The following DUSP26 variants were observed in gnomAD, a reference collection of about 807,000 sequenced individuals.
The protein encoded by DUSP26 is dual specificity phosphatase 26.
A neutral mutation model predicts 20.0 loss-of-function variants in DUSP26; 12 were observed. That is an observed-to-expected ratio of 0.60 (90% CI 0.38 to 0.97). The LOEUF (loss-of-function observed/expected upper bound fraction) is 0.97, where lower values mean the gene tolerates loss of function less well. Among genes scored for constraint, DUSP26 ranks in the 50% least tolerant of loss-of-function variants. The pLI is 0.00. For synonymous variants in DUSP26, 120 were observed against 118.8 expected (o/e 1.01, Z -0.06); for missense variants, 230 against 294.0 (o/e 0.78, Z 1.59).
chr8:33,595,711 G>T (rs1176650348), intron 2 of DUSP26, among the ~76,000 whole-genome samples: 2 of 151,970 alleles, frequency 1.3e-5, no homozygotes, highest in South Asian at 4.1e-4. Context: ...TCACCTTCAG[G>T]TGTTCATCCG....
Position 33,592,035 on chromosome 8 carries a change from A to AG in DUSP26, c.613dup (p.Leu205ProfsTer21), listed in dbSNP as rs1342469618. Reference sequence around the variant, plus strand: ...CCCTCATGCTTCCAGACCCTGCCGCAGCCTGCGGTCCAGGGCCAGGAGCTG... The same window carrying AG: ...CCCTCATGCTTCCAGACCCTGCCGCAGGCCTGCGGTCCAGGGCCAGGAGCTG... On this transcript the variant is annotated frameshift_variant, in exon 4 of 4. Transcript: ENST00000256261. LOFTEE classifies it high-confidence loss of function. 1 of 1,613,658 alleles carries AG rather than the reference A, an allele frequency of 6.2e-7. No individual in the cohort carries two copies. The highest frequency in any genetic ancestry group is 8.5e-7 in the Non-Finnish European group (1 of 1,179,968).
chr8:33,592,886 T>C (rs942138828), intron 3 of DUSP26, among the ~76,000 whole-genome samples: 1 of 152,186 alleles, frequency 6.6e-6, no homozygotes, highest in Non-Finnish European at 1.5e-5. Context: ...TATATATATA[T>C]GTATATGGAG....
intron 3 of DUSP26, among the ~76,000 whole-genome samples, chr8:33,593,059 G>A (rs1811059070): frequency 6.6e-6 from 1 of 152,098 alleles, no homozygotes; most frequent in African/African-American, 2.4e-5. Context: ...ATCACCTGAG[G>A]TCAGGAGTTC....
rs766538306 is a variant in DUSP26 at position 33,593,549 on chromosome 8, C to T, written c.420G>A (p.Ala140=). ...CCCTCCTACCTCCTGGCTGGCTCAG[C>T]GCCCGGTGGATGAAGTCGGCAGCCG... is the stretch of plus-strand genomic sequence containing the variant. ...FQTAADFIHR[A]LSQPGGKILV... is the part of the protein sequence containing the mutation. Residue 140 remains alanine, a synonymous_variant, in exon 3 of 4, where the codon GCG becomes GCA. Coordinates refer to ENST00000256261, the MANE Select transcript of DUSP26 (RefSeq NM_024025.3). 17 of 1,613,606 alleles carry T rather than the reference C, an allele frequency of 1.1e-5. No individual in the cohort carries two copies. The highest frequency in any genetic ancestry group is 2.2e-5 in the East Asian group (1 of 44,886).
intron 1 of DUSP26, chr8:33,597,912 G>GACACACACACACACACACACAA (rs1554537126): frequency 1.5e-5 from 1 of 64,638 alleles, no homozygotes; most frequent in Non-Finnish European, 3.1e-5. Context: ...CACACACACG[G>GACACACACACACACACACACAA]CACTTGGGTG....
chr8:33,593,297 T>C (rs1811065597), intron 3 of DUSP26, among the ~76,000 whole-genome samples: 1 of 151,964 alleles, frequency 6.6e-6, no homozygotes, highest in Non-Finnish European at 1.5e-5. Context: ...AAAAAGTCGA[T>C]CACATATAAT....
At chr8:33,599,415 C>T (rs78760406) in intron 1 of DUSP26, among the ~76,000 whole-genome samples, 1 of 152,184 alleles carries the variant, frequency 6.6e-6, no homozygotes, top group Non-Finnish European at 1.5e-5. Flanking sequence ...TCCAGGGGCC[C>T]TGGCCCGCCG....
intron 1 of DUSP26, among the ~76,000 whole-genome samples, chr8:33,598,639 A>G (rs1811205512): frequency 6.6e-6 from 1 of 152,076 alleles, no homozygotes; most frequent in Non-Finnish European, 1.5e-5. Context: ...GTCAATAACG[A>G]GGGGCTTAGC....
chr8:33,593,845 AT>A lies in DUSP26; in HGVS notation c.222-99del, dbSNP rs113807830. On this transcript the variant is annotated intron_variant, in intron 2 of 3. Coordinates refer to ENST00000256261, the MANE Select transcript of DUSP26 (RefSeq NM_024025.3). Reference sequence around the variant, plus strand: ...GTTAACTTCCTGAATCCTATTGTTGATTTTTTTTTGAGATGGAGTCTCGCTC... The same window carrying A: ...GTTAACTTCCTGAATCCTATTGTTGATTTTTTTTGAGATGGAGTCTCGCTC... 6.5e-3 allele frequency: 9,001 copies of A among 1,375,676 alleles called. 325 individuals carry two copies. The African/African-American group carries it at 0.089, about 14-fold the overall frequency. 85.2% of individuals were successfully genotyped at this position (1,375,676 alleles called of 1,614,324 possible). A position where few individuals can be genotyped will look rare whatever the true frequency, so the allele number is the denominator to read the frequency against.
At position 33,591,894 on chromosome 8, in the gene DUSP26, T is replaced by G. The variant is rs1046650608; in HGVS notation, c.*119A>C. 4.9e-6 allele frequency: 6 copies of G among 1,218,352 alleles called. No homozygotes were observed. The highest frequency in any genetic ancestry group is 5.7e-6 in the Non-Finnish European group (5 of 876,102). 75.5% of individuals were successfully genotyped at this position (1,218,352 alleles called of 1,614,324 possible). A position where few individuals can be genotyped will look rare whatever the true frequency, so the allele number is the denominator to read the frequency against. On this transcript the variant is annotated 3_prime_UTR_variant, in exon 4 of 4. Coordinates refer to ENST00000256261, the MANE Select transcript of DUSP26 (RefSeq NM_024025.3). Reference sequence around the variant, plus strand: ...CAGTGGCCTGGGGCTCGGCCTCTCCTGACCCCAGGGGAGGATGGGTGATCT... The same window carrying G: ...CAGTGGCCTGGGGCTCGGCCTCTCCGGACCCCAGGGGAGGATGGGTGATCT...
In DUSP26 at chr8:33,591,723, C is replaced by T. The variant is rs1295510883; in HGVS notation, c.*290G>A. 1 of 410,840 alleles carries T rather than the reference C, an allele frequency of 2.4e-6. No individual in the cohort carries two copies. The highest frequency in any genetic ancestry group is 4.4e-6 in the Non-Finnish European group (1 of 226,038). 25.4% of individuals were successfully genotyped at this position (410,840 alleles called of 1,614,324 possible). A position where few individuals can be genotyped will look rare whatever the true frequency, so the allele number is the denominator to read the frequency against. ...GGAAGGGACTGTGAATCCCAGGGAG[C>T]ACCCTGGCCAGATCCCAGCGGTGTT... On this transcript the variant is annotated 3_prime_UTR_variant, in exon 4 of 4. Transcript: ENST00000256261.
At chr8:33,598,715 G>A (rs910561088) in intron 1 of DUSP26, among the ~76,000 whole-genome samples, 1 of 152,144 alleles carries the variant, frequency 6.6e-6, no homozygotes, top group Non-Finnish European at 1.5e-5. Context: ...GGCTTGCCCT[G>A]GGACCTTCAG....
rs970637588 is a variant in DUSP26 at position 33,599,995 on chromosome 8, G to C, written c.-407C>G. The C allele has an allele frequency of 6.6e-6, 1 of 152,216 alleles. No homozygotes were observed. The highest frequency in any genetic ancestry group is 2.4e-5 in the African/African-American group (1 of 41,448). The allele number at this position is 152,216 out of a possible 1,614,324, so 9.4% of individuals were successfully genotyped here. On this transcript the variant is annotated 5_prime_UTR_variant, in exon 1 of 4. Coordinates refer to ENST00000256261, the MANE Select transcript of DUSP26 (RefSeq NM_024025.3). Reference sequence around the variant, plus strand: ...CCCAGCAGCACCGCCTGGAATGCATGCGTGTGTTCTCAGAGCTGCACCAAT... The same window carrying C: ...CCCAGCAGCACCGCCTGGAATGCATCCGTGTGTTCTCAGAGCTGCACCAAT...
intron 2 of DUSP26, among the ~76,000 whole-genome samples, chr8:33,593,970 C>A (rs1434012954): frequency 1.3e-5 from 2 of 152,064 alleles, no homozygotes; most frequent in South Asian, 2.1e-4. Flanking sequence ...CAGGCACATG[C>A]CACTATACCC....
Position 33,597,607 on chromosome 8 carries a change from G to A in DUSP26, c.-76-16C>T. On this transcript the variant is annotated splice_polypyrimidine_tract_variant and intron_variant, in intron 1 of 3. Transcript: ENST00000256261. ...GTAGCTGCTGCTGGAAGAGGAAGGG[G>A]TGTGAGACACACTTGAGTGAGTCCA... 8.8e-7 allele frequency: 1 copy of A among 1,130,996 alleles called. No homozygotes were observed. Among genetic ancestry groups the A allele is most frequent in the Non-Finnish European group, 1.3e-6 (1 of 794,342 alleles). 70.1% of individuals were successfully genotyped at this position (1,130,996 alleles called of 1,614,324 possible).
rs755859623 is a variant in DUSP26 at position 33,592,228 on chromosome 8, C to G, written c.437-16G>C. 19 of 1,581,746 alleles carry G rather than the reference C, an allele frequency of 1.2e-5. No homozygotes were observed. The highest frequency in any genetic ancestry group is 3.5e-5 in the South Asian group (3 of 86,884). The stretch of plus-strand genomic sequence containing the variant: ...AGGATCTTCCCTGAGAGGAGAGACA[C>G]AGAGAGAGCTTTGAGACTGCTTGTG... On this transcript the variant is annotated splice_polypyrimidine_tract_variant and intron_variant, in intron 3 of 3. Transcript: ENST00000256261.
chr8:33,592,565 A>AAAAAAAAAAAGG (rs1811047598), intron 3 of DUSP26, among the ~76,000 whole-genome samples: 1 of 146,090 alleles, frequency 6.8e-6, no homozygotes, highest in African/African-American at 2.6e-5. Flanking sequence ...AAAAAAAAAA[A>AAAAAAAAAAAGG]GGGTGACATG....
chr8:33,593,460 C>T (rs1811068605), intron 3 of DUSP26, 73 bp downstream of exon 3: 3 of 1,515,070 alleles, frequency 2.0e-6, no homozygotes, highest in Admixed American at 1.9e-5. Context: ...AATCTCACTC[C>T]ACTCTCAGAC....
At chr8:33,592,838 C>A (rs933475597) in intron 3 of DUSP26, among the ~76,000 whole-genome samples, 1 of 152,188 alleles carries the variant, frequency 6.6e-6, no homozygotes, top group Non-Finnish European at 1.5e-5. Context: ...CTTCCTCAAT[C>A]TCTCCACCAT....
Sources: allele counts gnomAD v4.1 joint callset (sites outside exome capture counted in the v4.1 genomes callset), GRCh38; gene constraint gnomAD v4.1.1; transcripts MANE v1.5; gene names NCBI Gene and HGNC (gene_info 2026-07-23, HGNC 2026-07-21).